Variants in MACROD2 observed in about 807,000 individuals in gnomAD.
MACROD2 encodes ADP-ribose glycohydrolase MACROD2.
A neutral mutation model predicts 70.4 loss-of-function variants in MACROD2; 36 were observed. The observed-to-expected ratio is 0.51, with a 90% confidence interval of 0.39 to 0.68. The LOEUF is 0.68. Ranked by LOEUF, MACROD2 falls within the 30% of genes least tolerant of loss-of-function variation. MACROD2 has a pLI of 0.00. For missense variants in MACROD2, 496 were observed against 538.4 expected (o/e 0.92, Z 0.78); for synonymous variants, 172 against 178.8 (o/e 0.96, Z 0.30).
chr20:14,228,100 C>G (rs2081760235), intron 3 of MACROD2, among the ~76,000 whole-genome samples: 1 of 151,650 alleles, frequency 6.6e-6, no homozygotes, highest in Non-Finnish European at 1.5e-5. Flanking sequence ...AACTGAAGTG[C>G]TTAGGGAAAA....
chr20:15,627,692 T>C (rs1413295127), intron 8 of MACROD2, among the ~76,000 whole-genome samples: 1 of 152,036 alleles, frequency 6.6e-6, no homozygotes, highest in Admixed American at 6.6e-5. Context: ...CCTGGGAAAA[T>C]GTCTCAAAAG....
intron 3 of MACROD2, among the ~76,000 whole-genome samples, chr20:14,448,452 A>C (rs1198975091): frequency 6.6e-6 from 1 of 151,860 alleles, no homozygotes; most frequent in African/African-American, 2.4e-5. Context: ...CGAGGTGGGC[A>C]GATCACTTGA....
chr20:15,425,550 A>G (rs2046286294), intron 6 of MACROD2, among the ~76,000 whole-genome samples: 1 of 152,200 alleles, frequency 6.6e-6, no homozygotes, highest in African/African-American at 2.4e-5. Flanking sequence ...TCTAACTAAA[A>G]CTGACTAAAC....
chr20:14,167,197 G>A lies in MACROD2; in HGVS notation c.271+81469G>A, dbSNP rs140251573. Among the ~76,000 whole-genome samples, 11 of 151,964 alleles carry A rather than the reference G, an allele frequency of 7.2e-5. No individual in the cohort carries two copies. In the East Asian group the frequency reaches 2.1e-3, roughly 29 times the overall value. ...TTGGACTCTTCTCAGAATTCCTGTA[G>A]CACTTATATAAGCCATTTATTTAAT... On this transcript the variant is annotated intron_variant, in intron 3 of 17. Transcript: ENST00000684519.
At chr20:15,087,421 A>C (rs374374048) in intron 5 of MACROD2, among the ~76,000 whole-genome samples, 3 of 152,166 alleles carry the variant, frequency 2.0e-5, no homozygotes. Flanking sequence ...TTTGCATGGA[A>C]ATATAATATA....
chr20:15,668,474 A>G (rs2049932102), intron 8 of MACROD2, among the ~76,000 whole-genome samples: 1 of 152,088 alleles, frequency 6.6e-6, no homozygotes, highest in African/African-American at 2.4e-5. Context: ...AGGCTGAGAC[A>G]GGAGAATGGC....
chr20:14,745,345 A>G (rs766305546), intron 5 of MACROD2, among the ~76,000 whole-genome samples: 4 of 152,172 alleles, frequency 2.6e-5, no homozygotes, highest in African/African-American at 7.2e-5. Flanking sequence ...ATAGGCCTAT[A>G]TGAGTATGGT....
intron 3 of MACROD2, among the ~76,000 whole-genome samples, chr20:14,320,658 T>A (rs926963943): frequency 7.0e-6 from 1 of 141,880 alleles, no homozygotes; most frequent in Non-Finnish European, 1.5e-5. Flanking sequence ...ATAATCACCT[T>A]TGGAATTTTT....
intron 3 of MACROD2, among the ~76,000 whole-genome samples, chr20:14,483,697 T>C (rs564646122): frequency 6.6e-6 from 1 of 152,212 alleles, no homozygotes. Context: ...GGAGCCACCA[T>C]GCCCAGCCTA....
chr20:14,363,877 T>C lies in MACROD2; in HGVS notation c.272-129602T>C, dbSNP rs181950503. 1.8e-3 allele frequency among the ~76,000 whole-genome samples: 233 copies of C among 126,156 alleles called. 1 individual carries two copies. Among genetic ancestry groups the C allele is most frequent in the African/African-American group, 7.1e-3 (230 of 32,604 alleles). 82.8% of individuals were successfully genotyped at this position (126,156 alleles called of 152,430 possible). ...AGATTATAAGATTAGGACCACAAGG[T>C]GTTGTTGGGAATGTGTCAGAAAAAG... On this transcript the variant is annotated intron_variant, in intron 3 of 17. Transcript: ENST00000684519.
At chr20:15,144,051 G>A (rs139516990) in intron 5 of MACROD2, among the ~76,000 whole-genome samples, 62 of 151,424 alleles carry the variant, frequency 4.1e-4, no homozygotes, top group African/African-American at 1.5e-3. Flanking sequence ...CATGTGGGTC[G>A]TGGGCCGCGG....
At chr20:15,095,613 G>A (rs1180079853) in intron 5 of MACROD2, among the ~76,000 whole-genome samples, 1 of 151,940 alleles carries the variant, frequency 6.6e-6, no homozygotes, top group African/African-American at 2.4e-5. Context: ...CGCCTCCCGG[G>A]TTCACGCCAT....
chr20:15,948,121 C>T (rs2065850964), intron 12 of MACROD2, among the ~76,000 whole-genome samples: 2 of 152,058 alleles, frequency 1.3e-5, no homozygotes, highest in Admixed American at 6.6e-5. Context: ...CTAAGAATCC[C>T]TAAGCCTAGC....
intron 3 of MACROD2, among the ~76,000 whole-genome samples, chr20:14,176,231 C>G (rs2081262160): frequency 6.6e-6 from 1 of 152,130 alleles, no homozygotes; most frequent in South Asian, 2.1e-4. Flanking sequence ...CCTGTGGTGA[C>G]AGAAGGCATT....
intron 12 of MACROD2, among the ~76,000 whole-genome samples, chr20:15,943,324 C>T (rs1479888532): frequency 6.6e-6 from 1 of 152,140 alleles, no homozygotes; most frequent in South Asian, 2.1e-4. Context: ...CCAAGGCCAC[C>T]AATGAATTCC....
At chr20:16,018,286 C>A (rs2066956641) in intron 15 of MACROD2, among the ~76,000 whole-genome samples, 1 of 152,014 alleles carries the variant, frequency 6.6e-6, no homozygotes. Context: ...CAGAACAATG[C>A]CAACCTTCTG....
intron 6 of MACROD2, 143 bp downstream of exon 6, chr20:15,230,204 A>T: frequency 2.9e-6 from 2 of 685,912 alleles, no homozygotes; most frequent in Non-Finnish European, 4.5e-6. Context: ...TTTGGTTATC[A>T]TGACTCTAAT....
intron 6 of MACROD2, among the ~76,000 whole-genome samples, chr20:15,310,515 G>C (rs112734190): frequency 1.4e-4 from 21 of 152,176 alleles, no homozygotes; most frequent in African/African-American, 5.1e-4. Context: ...TCACTGGAAG[G>C]CATGACTATA....
chr20:15,649,182 T>G (rs1254266220), intron 8 of MACROD2, among the ~76,000 whole-genome samples: 2 of 142,526 alleles, frequency 1.4e-5, no homozygotes, highest in East Asian at 4.3e-4. Context: ...CTCTTTCTCC[T>G]TCTTTTTCCT....
Sources: gnomAD v4.1 joint callset for allele counts (sites outside exome capture counted in the v4.1 genomes callset) on GRCh38, gnomAD v4.1.1 for gene constraint, MANE v1.5 for transcripts, NCBI Gene and HGNC (gene_info 2026-07-23, HGNC 2026-07-21) for gene names.